DIP2C: variants seen among roughly 807,000 people sequenced by gnomAD.
The protein encoded by DIP2C is DIP2 acetate--CoA ligase C (putative).
Under a neutral mutation model 192.4 loss-of-function variants are expected in DIP2C, and 33 were observed. The ratio of observed to expected loss-of-function variants is 0.17; its 90% CI spans 0.13 to 0.23. The LOEUF is 0.23. Among genes scored for constraint, DIP2C ranks in the 10% least tolerant of loss-of-function variants. DIP2C has a pLI of 1.00. For missense variants in DIP2C, 1,537 were observed against 2,110.1 expected (o/e 0.73, Z 5.32); for synonymous variants, 979 against 864.1 (o/e 1.13, Z -2.33).
At chr10:429,191 C>G (rs912455998) in intron 4 of DIP2C, among the ~76,000 whole-genome samples, 2 of 151,656 alleles carry the variant, frequency 1.3e-5, no homozygotes, top group African/African-American at 4.9e-5. Flanking sequence ...CCTGCTTTGC[C>G]TATTCATCCC....
chr10:654,114 G>A lies in DIP2C; in HGVS notation c.85+35380C>T, dbSNP rs373161009. On this transcript the variant is annotated intron_variant, in intron 1 of 36. Transcript: ENST00000280886. ...ACGCACAGGCAGTGAGGGCAGTGGC[G>A]TCAGGGAATTCTGCTCCATAAACCT... is the stretch of plus-strand genomic sequence containing the variant. 7.2e-4 allele frequency among the ~76,000 whole-genome samples: 109 copies of A among 152,332 alleles called. 1 individual carries two copies. In the East Asian group the frequency reaches 0.019, roughly 26 times the overall value.
intron 31 of DIP2C, among the ~76,000 whole-genome samples, chr10:310,905 T>C (rs992316121): frequency 6.6e-6 from 1 of 151,874 alleles, no homozygotes; most frequent in Non-Finnish European, 1.5e-5. Context: ...TACAATAAAT[T>C]TGCCAAAAAA....
chr10:399,078 C>A (rs776400360), intron 10 of DIP2C, 31 bp downstream of exon 10: 14 of 1,571,166 alleles, frequency 8.9e-6, no homozygotes, highest in Middle Eastern at 1.7e-4. Context: ...TCTCACTCAG[C>A]GAGAAACCGA....
At chr10:608,234 GCC>G (rs1160571636) in intron 1 of DIP2C, among the ~76,000 whole-genome samples, 1 of 5,420 alleles carries the variant, frequency 1.8e-4, no homozygotes, top group Non-Finnish European at 2.5e-4. Context: ...CACCCCCACA[GCC>G]CCCCCCACAC....
intron 1 of DIP2C, among the ~76,000 whole-genome samples, chr10:589,488 C>T (rs1176938807): frequency 6.6e-6 from 1 of 152,132 alleles, no homozygotes; most frequent in Non-Finnish European, 1.5e-5. Flanking sequence ...TATGGTCCAC[C>T]TTAATTTTCA....
At chr10:624,558 T>TG in intron 1 of DIP2C, among the ~76,000 whole-genome samples, 1 of 152,158 alleles carries the variant, frequency 6.6e-6, no homozygotes, top group East Asian at 1.9e-4. Flanking sequence ...GGCTTGGAAG[T>TG]CACTCCCACC....
chr10:577,304 C>CA (rs1564218615), intron 1 of DIP2C, among the ~76,000 whole-genome samples: 1 of 152,070 alleles, frequency 6.6e-6, no homozygotes, highest in African/African-American at 2.4e-5. Flanking sequence ...TAGCGATTAG[C>CA]AAAAATTTAG....
chr10:536,373 C>CA (rs1847693146), intron 1 of DIP2C, among the ~76,000 whole-genome samples: 2 of 151,158 alleles, frequency 1.3e-5, no homozygotes, highest in African/African-American at 4.8e-5. Flanking sequence ...ATAGGGACAT[C>CA]ACAGTCCCGG....
At position 390,325 on chromosome 10, in the gene DIP2C, T is replaced by C; in HGVS notation, c.1433A>G (p.Lys478Arg). 6.2e-7 allele frequency: 1 copy of C among 1,613,910 alleles called. No homozygotes were observed. The highest frequency in any genetic ancestry group is 2.2e-5 in the East Asian group (1 of 44,878). ...GTGTGGGAACCAGTCTCGGGGCGGT[T>C]TGGAGAGATGTTTAGACTCTGTGAC... The part of the protein sequence containing the change: ...WFVTESKHLS[K>R]PPRDWFPHIK... Residue 478 changes from lysine (K) to arginine (R), a missense_variant, in exon 12 of 37, where the codon AAA (lysine) becomes AGA (arginine). Coordinates refer to ENST00000280886, the MANE Select transcript of DIP2C (RefSeq NM_014974.3).
intron 1 of DIP2C, among the ~76,000 whole-genome samples, chr10:646,469 C>T (rs983682969): frequency 6.6e-6 from 1 of 152,242 alleles, no homozygotes; most frequent in African/African-American, 2.4e-5. Context: ...CGGGTGGCGA[C>T]CGCACCAGCC....
intron 3 of DIP2C, among the ~76,000 whole-genome samples, chr10:457,966 C>T (rs139933800): frequency 2.5e-4 from 38 of 152,364 alleles, no homozygotes; most frequent in South Asian, 6.2e-4. Context: ...GGACTGTCTG[C>T]AGGTCTGGCA....
rs192450400 is a variant in DIP2C at position 283,225 on chromosome 10, C to T, written c.4294+47G>A. ...GGCTTCTGTATCTACAGGAGCCTAA[C>T]CTCTCTGCCCATCTGTTGGGGGGGG... On this transcript the variant is annotated intron_variant, in intron 35 of 36. Coordinates refer to ENST00000280886, the MANE Select transcript of DIP2C (RefSeq NM_014974.3). 5,067 of 1,562,580 alleles carry T rather than the reference C, an allele frequency of 3.2e-3. 20 individuals are homozygous for T. Among genetic ancestry groups the T allele is most frequent in the Middle Eastern group, 0.011 (58 of 5,114 alleles).
chr10:623,350 T>C (rs1194077671), intron 1 of DIP2C, among the ~76,000 whole-genome samples: 1 of 151,390 alleles, frequency 6.6e-6, no homozygotes, highest in African/African-American at 2.4e-5. Flanking sequence ...GCAGCCGTGC[T>C]GGCGAGGGAG....
Position 606,812 on chromosome 10 carries a change from C to CACATCTG in DIP2C, c.85+82675_85+82681dup, listed in dbSNP as rs370846201. Among the ~76,000 whole-genome samples, 555 of 152,304 alleles carry CACATCTG rather than the reference C, an allele frequency of 3.6e-3. 4 individuals are homozygous for CACATCTG. Among genetic ancestry groups the CACATCTG allele is most frequent in the African/African-American group, 9.5e-3 (395 of 41,554 alleles). On this transcript the variant is annotated intron_variant, in intron 1 of 36. Coordinates refer to ENST00000280886, the MANE Select transcript of DIP2C (RefSeq NM_014974.3). Reference sequence around the variant, plus strand: ...CCCGAGACCAGGGAAGCTACACACGCACATCTGACATCTGACATCTGGTGG... The same window carrying CACATCTG: ...CCCGAGACCAGGGAAGCTACACACGCACATCTGACATCTGACATCTGACATCTGGTGG...
intron 3 of DIP2C, among the ~76,000 whole-genome samples, chr10:462,197 G>C (rs1314432693): frequency 6.6e-6 from 1 of 151,074 alleles, no homozygotes; most frequent in Admixed American, 6.6e-5. Context: ...AAATGAAGGA[G>C]ACAGAGACAC....
intron 1 of DIP2C, among the ~76,000 whole-genome samples, chr10:495,657 T>C (rs1844775687): frequency 6.6e-6 from 1 of 152,054 alleles, no homozygotes; most frequent in African/African-American, 2.4e-5. Context: ...CCAAAGTCTG[T>C]GATGCTCAAG....
intron 1 of DIP2C, among the ~76,000 whole-genome samples, chr10:572,687 T>C (rs544664772): frequency 7.6e-4 from 116 of 152,240 alleles, no homozygotes; most frequent in Admixed American, 1.5e-3. Context: ...TTCTCCATAA[T>C]AGACAAAAAA....
At chr10:495,434 G>C (rs1247561355) in intron 1 of DIP2C, among the ~76,000 whole-genome samples, 2 of 152,154 alleles carry the variant, frequency 1.3e-5, no homozygotes, top group Admixed American at 6.6e-5. Flanking sequence ...ACAAGGTGAG[G>C]AATGTGTTAT....
At chr10:671,784 C>T (rs1217750989) in intron 1 of DIP2C, among the ~76,000 whole-genome samples, 15 of 140,366 alleles carry the variant, frequency 1.1e-4, no homozygotes, top group African/African-American at 3.8e-4. Context: ...CACAGACGCA[C>T]GGACGGAGGA....
Sources: allele counts gnomAD v4.1 joint callset (sites outside exome capture counted in the v4.1 genomes callset), GRCh38; gene constraint gnomAD v4.1.1; transcripts MANE v1.5; gene names NCBI Gene and HGNC (gene_info 2026-07-23, HGNC 2026-07-21).